Variants in ZFYVE28 observed in about 807,000 individuals in gnomAD.
ZFYVE28 encodes zinc finger FYVE-type containing 28.
Under a neutral mutation model 82.1 loss-of-function variants are expected in ZFYVE28, and 40 were observed. That is an observed-to-expected ratio of 0.49 (90% CI 0.38 to 0.63). The LOEUF is 0.63. Ranked by LOEUF, ZFYVE28 falls within the 30% of genes least tolerant of loss-of-function variation. The probability of loss-of-function intolerance (pLI) is 0.00; values close to 1 mark genes in which losing one functional copy is unlikely to be tolerated. For missense variants in ZFYVE28, 1,321 were observed against 1,242.1 expected (o/e 1.06, Z -0.96); for synonymous variants, 612 against 546.1 (o/e 1.12, Z -1.68).
rs1730225528 is a variant in ZFYVE28 at position 2,394,593 on chromosome 4, T to C, written c.39+23692A>G. 6.6e-6 allele frequency among the ~76,000 whole-genome samples: 1 copy of C among 152,234 alleles called. No individual in the cohort carries two copies. Among genetic ancestry groups the C allele is most frequent in the Non-Finnish European group, 1.5e-5 (1 of 68,038 alleles). Reference sequence around the variant, plus strand: ...CTCCAGCTGTGTGCACATAAGGTCCTAAAACATCAACGCCTCCTTTCTAAC... The same window carrying C: ...CTCCAGCTGTGTGCACATAAGGTCCCAAAACATCAACGCCTCCTTTCTAAC... On this transcript the variant is annotated intron_variant, in intron 1 of 12. Coordinates refer to ENST00000290974, the MANE Select transcript of ZFYVE28 (RefSeq NM_020972.3). The surrounding 1 kb of genome is among the most constrained non-coding windows in gnomAD (Gnocchi z 4.0).
At chr4:2,367,959 C>T (rs982770714) in intron 1 of ZFYVE28, among the ~76,000 whole-genome samples, 6 of 152,168 alleles carry the variant, frequency 3.9e-5, no homozygotes, top group African/African-American at 1.2e-4. Context: ...GCGTGCCAGT[C>T]GCGGCAGGTC....
chr4:2,370,533 T>TC (rs1041699236), intron 1 of ZFYVE28, among the ~76,000 whole-genome samples: 2 of 151,940 alleles, frequency 1.3e-5, no homozygotes, highest in Non-Finnish European at 2.9e-5. Flanking sequence ...CGACAAATCT[T>TC]CCCCCCGTGC....
At chr4:2,295,310 T>A (rs1227302982) in intron 8 of ZFYVE28, among the ~76,000 whole-genome samples, 1 of 151,650 alleles carries the variant, frequency 6.6e-6, no homozygotes, top group African/African-American at 2.4e-5. Context: ...TGCAGGCACC[T>A]GCCATAATGC....
intron 1 of ZFYVE28, among the ~76,000 whole-genome samples, chr4:2,397,867 T>C (rs1018950737): frequency 6.6e-6 from 1 of 152,156 alleles, no homozygotes; most frequent in Admixed American, 6.5e-5. Context: ...CAAACACACA[T>C]GTGCTCCTGG....
intron 8 of ZFYVE28, among the ~76,000 whole-genome samples, chr4:2,298,063 T>G (rs1714908334): frequency 6.9e-6 from 1 of 145,188 alleles, no homozygotes; most frequent in Non-Finnish European, 1.5e-5. Context: ...CGGCAGGCTG[T>G]GCTGTGAGGA....
intron 1 of ZFYVE28, among the ~76,000 whole-genome samples, chr4:2,415,404 G>A (rs1163171661): frequency 1.3e-5 from 2 of 151,068 alleles, no homozygotes; most frequent in South Asian, 2.1e-4. Context: ...ATTGCTTGAG[G>A]CCAGGAATTT....
In ZFYVE28 at chr4:2,387,158, C is replaced by T. The variant is rs544311767; in HGVS notation, c.39+31127G>A. Among the ~76,000 whole-genome samples, 15 of 152,330 alleles carry T rather than the reference C, an allele frequency of 9.8e-5. No homozygotes were observed. The East Asian group carries it at 2.9e-3, about 29-fold the overall frequency. The stretch of plus-strand genomic sequence containing the variant: ...GTTTGCCTGCAGGAGGAGGCTGGCC[C>T]ACCCCGGAGCTCGCCACCAGCGGCC... On this transcript the variant is annotated intron_variant, in intron 1 of 12. Transcript: ENST00000290974.
chr4:2,279,801 A>G (rs1711712320), intron 8 of ZFYVE28, among the ~76,000 whole-genome samples: 1 of 151,914 alleles, frequency 6.6e-6, no homozygotes, highest in Non-Finnish European at 1.5e-5. Flanking sequence ...AAAATCACAT[A>G]CTGTATGATT....
chr4:2,377,178 C>T (rs549267730), intron 1 of ZFYVE28, among the ~76,000 whole-genome samples: 31 of 151,546 alleles, frequency 2.0e-4, no homozygotes, highest in East Asian at 1.4e-3. Context: ...CCCGCTACCA[C>T]GCCCAGCTAA....
intron 1 of ZFYVE28, among the ~76,000 whole-genome samples, chr4:2,382,317 G>A (rs1728809688): frequency 6.6e-6 from 1 of 152,226 alleles, no homozygotes; most frequent in Admixed American, 6.5e-5. Context: ...TCCACCAACA[G>A]CTTGCACCAT....
At chr4:2,369,850 C>CTTTTTTTTTTT (rs1408650676) in intron 1 of ZFYVE28, among the ~76,000 whole-genome samples, 2 of 61,032 alleles carry the variant, frequency 3.3e-5, no homozygotes, top group Non-Finnish European at 6.5e-5. Flanking sequence ...TTTTTCTTTT[C>CTTTTTTTTTTT]TTTTTTTTTT....
At chr4:2,340,128 G>A (rs546007110) in intron 3 of ZFYVE28, among the ~76,000 whole-genome samples, 176 of 152,242 alleles carry the variant, frequency 1.2e-3, no homozygotes, top group African/African-American at 4.1e-3. Context: ...GGGCTGATCC[G>A]GGCCCGAGGT....
At position 2,300,269 on chromosome 4, in the gene ZFYVE28, G is replaced by C. The variant is rs1396852551; in HGVS notation, c.2051+4020C>G. Among the ~76,000 whole-genome samples the C allele has an allele frequency of 6.6e-6, 1 of 152,220 alleles. No individual in the cohort carries two copies. The highest frequency in any genetic ancestry group is 2.4e-5 in the African/African-American group (1 of 41,454). Reference sequence around the variant, plus strand: ...AGTGGACTTTCTGTCATCTAGACAAGTAACTTCCAAGGGTGACTTCGAGAG... The same window carrying C: ...AGTGGACTTTCTGTCATCTAGACAACTAACTTCCAAGGGTGACTTCGAGAG... On this transcript the variant is annotated intron_variant, in intron 8 of 12. Transcript: ENST00000290974. The surrounding 1 kb of genome is among the most constrained non-coding windows in gnomAD (Gnocchi z 4.6).
At chr4:2,344,372 C>T (rs1723216533) in intron 2 of ZFYVE28, among the ~76,000 whole-genome samples, 1 of 152,192 alleles carries the variant, frequency 6.6e-6, no homozygotes, top group Non-Finnish European at 1.5e-5. Flanking sequence ...ACTCACAATT[C>T]ACAAAGTATT....
rs138987277 is a variant in ZFYVE28 at position 2,273,285 on chromosome 4, C to G, written c.2211G>C (p.Val737=). The change falls in exon 10 of 13, where the codon GTG becomes GTC. Residue 737 remains valine (V), a synonymous_variant. Transcript: ENST00000290974. ...IHRLFVCISG[V]ADQLQTNYAS... ...CATAGTTCGTCTGCAGCTGGTCAGCCACACCTGAGGAAGGAAGGCCACAGT... is the reference window on the plus strand; with the variant it reads ...CATAGTTCGTCTGCAGCTGGTCAGCGACACCTGAGGAAGGAAGGCCACAGT... 27 of 1,611,228 alleles carry G rather than the reference C, an allele frequency of 1.7e-5. No individual in the cohort carries two copies. In the South Asian group the frequency reaches 3.0e-4, roughly 18 times the overall value.
chr4:2,413,450 G>C (rs778699390), intron 1 of ZFYVE28, among the ~76,000 whole-genome samples: 1 of 152,186 alleles, frequency 6.6e-6, no homozygotes, highest in Non-Finnish European at 1.5e-5. Context: ...GAGAGAGACC[G>C]GTGCGCAGGG....
intron 6 of ZFYVE28, among the ~76,000 whole-genome samples, chr4:2,333,165 A>G (rs1305019066): frequency 7.0e-6 from 1 of 143,228 alleles, no homozygotes. Context: ...TCCCTCCCCA[A>G]CCTCCCTCCC....
chr4:2,370,829 C>T (rs950463500), intron 1 of ZFYVE28, among the ~76,000 whole-genome samples: 10 of 152,320 alleles, frequency 6.6e-5, no homozygotes, highest in Admixed American at 4.6e-4. Flanking sequence ...TGATGCTGGG[C>T]GCCTCTCTGA....
intron 7 of ZFYVE28, among the ~76,000 whole-genome samples, chr4:2,308,622 G>GAAAGAAAGAAAGA (rs1553830430): frequency 2.4e-5 from 2 of 81,742 alleles, no homozygotes; most frequent in Non-Finnish European, 4.8e-5. Context: ...AAGAAAGAAA[G>GAAAGAAAGAAAGA]AAGACAGAAA....
Sources: gnomAD v4.1 joint callset for allele counts (sites outside exome capture counted in the v4.1 genomes callset) on GRCh38, gnomAD v4.1.1 for gene constraint, Gnocchi (gnomAD v3.1) non-coding constraint, MANE v1.5 for transcripts, NCBI Gene and HGNC (gene_info 2026-07-23, HGNC 2026-07-21) for gene names.